PPP2R2B: variants seen among roughly 807,000 people sequenced by gnomAD.
The protein encoded by PPP2R2B is protein phosphatase 2 regulatory subunit Bbeta, also known as serine/threonine-protein phosphatase 2A 55 kDa regulatory subunit B beta isoform.
PPP2R2B carries 5 observed loss-of-function variants against 46.0 expected under a neutral mutation model. The ratio of observed to expected loss-of-function variants is 0.11; its 90% confidence interval spans 0.06 to 0.23. The LOEUF (loss-of-function observed/expected upper bound fraction) is 0.23. Ranked by LOEUF, PPP2R2B falls within the 10% of genes least tolerant of loss-of-function variation. The pLI, the probability that PPP2R2B is intolerant of heterozygous loss-of-function variation, is 1.00. For missense variants in PPP2R2B, 367 were observed against 575.0 expected (o/e 0.64, Z 3.70); for synonymous variants, 215 against 206.7 (o/e 1.04, Z -0.34).
At chr5:146,966,707 C>T (rs750343166) in intron 1 of PPP2R2B, among the ~76,000 whole-genome samples, 1 of 152,152 alleles carries the variant, frequency 6.6e-6, no homozygotes, top group Non-Finnish European at 1.5e-5. Flanking sequence ...AACACTGGGC[C>T]TGGCACAGCG....
intron 5 of PPP2R2B, among the ~76,000 whole-genome samples, chr5:146,689,078 T>C (rs558154374): frequency 6.6e-6 from 1 of 152,272 alleles, no homozygotes; most frequent in East Asian, 1.9e-4. Flanking sequence ...CTCATATATA[T>C]AGGCCCACTA....
chr5:147,036,522 T>C (rs745344644), intron 1 of PPP2R2B, among the ~76,000 whole-genome samples: 12 of 152,328 alleles, frequency 7.9e-5, no homozygotes, highest in Middle Eastern at 3.4e-3. Context: ...TTCATTTGGG[T>C]ATATACCCAG....
chr5:147,022,898 A>G (rs1442436461), intron 1 of PPP2R2B, among the ~76,000 whole-genome samples: 1 of 152,106 alleles, frequency 6.6e-6, no homozygotes, highest in Non-Finnish European at 1.5e-5. Flanking sequence ...AACATAAAGA[A>G]CTTTTCAAAA....
chr5:146,691,681 C>T (rs1456290014), intron 4 of PPP2R2B, among the ~76,000 whole-genome samples: 1 of 152,106 alleles, frequency 6.6e-6, no homozygotes, highest in Non-Finnish European at 1.5e-5. Context: ...CTTACCATGT[C>T]CTAAAAGGCC....
intron 1 of PPP2R2B, among the ~76,000 whole-genome samples, chr5:146,905,623 A>C (rs1762971287): frequency 6.6e-6 from 1 of 152,220 alleles, no homozygotes; most frequent in African/African-American, 2.4e-5. Flanking sequence ...CAACTAGTGA[A>C]TGGTATAGTA....
At chr5:146,987,974 T>A (rs1434866767) in intron 1 of PPP2R2B, among the ~76,000 whole-genome samples, 1 of 151,942 alleles carries the variant, frequency 6.6e-6, no homozygotes, top group Non-Finnish European at 1.5e-5. Flanking sequence ...GTAGCTATAC[T>A]TATATCAGAT....
chr5:146,912,478 C>G (rs996237169), intron 1 of PPP2R2B, among the ~76,000 whole-genome samples: 1 of 151,402 alleles, frequency 6.6e-6, no homozygotes, highest in Non-Finnish European at 1.5e-5. Context: ...GTTGACATAT[C>G]CACGATCTCT....
intron 2 of PPP2R2B, among the ~76,000 whole-genome samples, chr5:146,725,665 T>A (rs1751821912): frequency 6.6e-6 from 1 of 152,206 alleles, no homozygotes; most frequent in Non-Finnish European, 1.5e-5. Flanking sequence ...TGGCACTTAC[T>A]TTATATTTTA....
intron 2 of PPP2R2B, among the ~76,000 whole-genome samples, chr5:146,739,344 G>A (rs10302810): frequency 0.61 from 93,201 of 152,146 alleles, 30,193 homozygotes; most frequent in Non-Finnish European, 0.71. Flanking sequence ...ATGGAATTTA[G>A]AGAAATTAGG....
chr5:147,046,946 T>G (rs1756572106), intron 1 of PPP2R2B, among the ~76,000 whole-genome samples: 1 of 152,058 alleles, frequency 6.6e-6, no homozygotes, highest in Non-Finnish European at 1.5e-5. Flanking sequence ...ATGGGAAGAT[T>G]TAAGATGGGG....
chr5:146,881,300 C>T (rs577208039), upstream of PPP2R2B, among the ~76,000 whole-genome samples: 82 of 152,110 alleles, frequency 5.4e-4, no homozygotes, highest in African/African-American at 1.6e-3. Flanking sequence ...GTGTTTTCTG[C>T]CTCCACATTT....
chr5:146,692,878 T>C (rs1004895252), intron 4 of PPP2R2B, among the ~76,000 whole-genome samples: 3 of 152,154 alleles, frequency 2.0e-5, no homozygotes, highest in African/African-American at 7.2e-5. Flanking sequence ...ACAAATCATG[T>C]CTGCTGGCCA....
chr5:147,077,056 T>TATATA (rs1375389867), intron 2 of PPP2R2B, among the ~76,000 whole-genome samples: 5,908 of 146,750 alleles, frequency 0.04, 365 homozygotes, highest in African/African-American at 0.091. Flanking sequence ...CTGATATATA[T>TATATA]ATACAATACA....
intron 1 of PPP2R2B, among the ~76,000 whole-genome samples, chr5:146,913,634 A>T (rs319166): frequency 1.3e-5 from 2 of 151,658 alleles, no homozygotes; most frequent in East Asian, 3.9e-4. Flanking sequence ...ACCCCACAAG[A>T]CATGGTTCTT....
intron 1 of PPP2R2B, among the ~76,000 whole-genome samples, chr5:146,958,560 G>A (rs766423410): frequency 3.9e-5 from 6 of 152,032 alleles, no homozygotes; most frequent in East Asian, 1.9e-4. Context: ...GTATTGTCAC[G>A]ATTTTCATTT....
chr5:146,925,974 C>T (rs528803018), intron 1 of PPP2R2B, among the ~76,000 whole-genome samples: 2 of 152,088 alleles, frequency 1.3e-5, no homozygotes, highest in South Asian at 4.1e-4. Context: ...ACAGAATTTT[C>T]ACCTGGTATT....
At chr5:147,055,049 A>C (rs544799658) in intron 1 of PPP2R2B, among the ~76,000 whole-genome samples, 16 of 152,310 alleles carry the variant, frequency 1.1e-4, no homozygotes, top group African/African-American at 3.8e-4. Flanking sequence ...AAAAAACAGG[A>C]AATGGGGAAG....
intron 2 of PPP2R2B, among the ~76,000 whole-genome samples, chr5:146,754,371 G>C (rs560791548): frequency 6.6e-6 from 1 of 152,188 alleles, no homozygotes; most frequent in Admixed American, 6.5e-5. Flanking sequence ...TAGTGGAATA[G>C]CATGCAGCAA....
In PPP2R2B at chr5:146,590,398, GTTTTTTTTTT is replaced by G. The variant is rs1221281341; in HGVS notation, c.1053-182_1053-173del. Among the ~76,000 whole-genome samples the G allele has an allele frequency of 3.1e-3, 349 of 113,424 alleles. 2 individuals are homozygous for G. The highest frequency in any genetic ancestry group is 0.01 in the African/African-American group (323 of 30,792). The allele number at this position is 113,424 out of a possible 152,430, so 74.4% of individuals were successfully genotyped here. On this transcript the variant is annotated intron_variant, in intron 9 of 9. Transcript: ENST00000394411. ...TATTGGCTTTTTGTTTTTTTTTTGTGTTTTTTTTTTTTTTTTTTGAATCACTGAAAGCAAT... is the reference window on the plus strand; with the variant it reads ...TATTGGCTTTTTGTTTTTTTTTTGTGTTTTTTTTGAATCACTGAAAGCAAT...
Sources: gnomAD v4.1 joint callset for allele counts (sites outside exome capture counted in the v4.1 genomes callset) on GRCh38, gnomAD v4.1.1 for gene constraint, MANE v1.5 for transcripts, NCBI Gene and HGNC (gene_info 2026-07-23, HGNC 2026-07-21) for gene names.